Variants in TRPC6 observed in about 807,000 individuals in gnomAD.
TRPC6 encodes short transient receptor potential channel 6.
A neutral mutation model predicts 90.7 loss-of-function variants in TRPC6; 55 were observed. That is an observed-to-expected ratio of 0.61 (90% CI 0.49 to 0.76). The LOEUF (loss-of-function observed/expected upper bound fraction) is 0.76. Ranked by LOEUF, TRPC6 falls within the 30% of genes least tolerant of loss-of-function variation. TRPC6 has a pLI of 0.00. For synonymous variants in TRPC6, 393 were observed against 393.0 expected, an observed-to-expected ratio of 1.00 and a Z score of 0.00; for missense variants, 989 against 1,122.7, an observed-to-expected ratio of 0.88 and a Z score of 1.70.
intron 1 of TRPC6, among the ~76,000 whole-genome samples, chr11:101,521,777 G>C (rs556219820): frequency 2.4e-4 from 36 of 152,342 alleles, no homozygotes; most frequent in African/African-American, 8.2e-4. Flanking sequence ...TGGTCTAAAT[G>C]TAAGACATGG....
chr11:101,504,662 A>G lies in TRPC6; in HGVS notation c.307T>C (p.Leu103=), dbSNP rs1860213746. The change falls in exon 2 of 13, where the codon TTG becomes CTG. Residue 103 remains leucine (L), a synonymous_variant. Transcript: ENST00000344327. ...ATGTTACCATATTCAGCTGCATCCA[A>G]AAAGCGTTCCTCCTCTATAGATAGG... ...TSLSIEEERF[L]DAAEYGNIPV... is the part of the protein sequence containing the mutation. 1 of 1,605,780 alleles carries G rather than the reference A, an allele frequency of 6.2e-7. No homozygotes were observed. The highest frequency in any genetic ancestry group is 8.5e-7 in the Non-Finnish European group (1 of 1,174,756).
intron 1 of TRPC6, among the ~76,000 whole-genome samples, chr11:101,527,264 G>A (rs1198740367): frequency 6.6e-6 from 1 of 152,182 alleles, no homozygotes; most frequent in Non-Finnish European, 1.5e-5. Flanking sequence ...CTGCCTCCAA[G>A]TCTTGATTAA....
At chr11:101,524,966 G>T (rs1168385887) in intron 1 of TRPC6, among the ~76,000 whole-genome samples, 1 of 152,164 alleles carries the variant, frequency 6.6e-6, no homozygotes, top group African/African-American at 2.4e-5. Flanking sequence ...AAATAAAGTA[G>T]CAACAATCAA....
chr11:101,567,352 A>AC (rs1199778429), intron 1 of TRPC6, among the ~76,000 whole-genome samples: 1 of 151,250 alleles, frequency 6.6e-6, no homozygotes, highest in Non-Finnish European at 1.5e-5. Context: ...TCTCTGAAAA[A>AC]AAAAAGCAGC....
intron 5 of TRPC6, among the ~76,000 whole-genome samples, chr11:101,478,214 T>C (rs1591071827): frequency 6.6e-6 from 1 of 152,218 alleles, no homozygotes; most frequent in African/African-American, 2.4e-5. Context: ...AAAGCCAGCA[T>C]TAAGTGCAGC....
At chr11:101,505,072 A>T (rs1200001788) in intron 1 of TRPC6, among the ~76,000 whole-genome samples, 1 of 152,216 alleles carries the variant, frequency 6.6e-6, no homozygotes, top group Non-Finnish European at 1.5e-5. Context: ...TCAGATAGAA[A>T]CTAATGTACT....
chr11:101,569,146 C>CA (rs543090112), intron 1 of TRPC6, among the ~76,000 whole-genome samples: 283 of 143,534 alleles, frequency 2.0e-3, no homozygotes, highest in South Asian at 7.1e-3. Flanking sequence ...CACATAAGCT[C>CA]AAAATAAAGG....
chr11:101,499,916 G>A (rs71462689), intron 2 of TRPC6, among the ~76,000 whole-genome samples: 4 of 36,302 alleles, frequency 1.1e-4, no homozygotes, highest in Admixed American at 2.3e-4. Context: ...TATATACACA[G>A]TATAAAATGT....
intron 1 of TRPC6, among the ~76,000 whole-genome samples, chr11:101,555,114 A>G (rs552037757): frequency 6.6e-6 from 1 of 152,224 alleles, no homozygotes; most frequent in East Asian, 1.9e-4. Flanking sequence ...TGAGAAGGAG[A>G]GTTTCAGGCT....
chr11:101,559,792 A>T (rs764954799), intron 1 of TRPC6, among the ~76,000 whole-genome samples: 2 of 49,854 alleles, frequency 4.0e-5, no homozygotes, highest in African/African-American at 2.0e-4. Flanking sequence ...CCCTCCCCCC[A>T]CCCCACAACA....
At chr11:101,575,708 A>G (rs1357606117) in intron 1 of TRPC6, among the ~76,000 whole-genome samples, 1 of 152,180 alleles carries the variant, frequency 6.6e-6, no homozygotes, top group East Asian at 1.9e-4. Context: ...GTGAGATATA[A>G]AGCTTGACCT....
At chr11:101,516,236 T>TA (rs1225326817) in intron 1 of TRPC6, among the ~76,000 whole-genome samples, 30 of 152,204 alleles carry the variant, frequency 2.0e-4, no homozygotes, top group Non-Finnish European at 3.5e-4. Context: ...AAGTTCATGC[T>TA]AGCAATGCAT....
chr11:101,465,434 T>C (rs965920974), intron 10 of TRPC6, among the ~76,000 whole-genome samples: 26 of 152,202 alleles, frequency 1.7e-4, no homozygotes, highest in African/African-American at 5.8e-4. Context: ...TAATCTAATG[T>C]AGGTTTGGTC....
chr11:101,502,698 C>A (rs190954026), intron 2 of TRPC6, among the ~76,000 whole-genome samples: 64 of 152,252 alleles, frequency 4.2e-4, no homozygotes, highest in Admixed American at 7.9e-4. Context: ...TTAGAAGGAC[C>A]ATTTACTTGT....
chr11:101,568,353 T>C (rs1861881649), intron 1 of TRPC6, among the ~76,000 whole-genome samples: 1 of 152,084 alleles, frequency 6.6e-6, no homozygotes, highest in Non-Finnish European at 1.5e-5. Flanking sequence ...CCAAGAAATA[T>C]GGGACTATGT....
At chr11:101,548,250 C>T (rs190020258) in intron 1 of TRPC6, among the ~76,000 whole-genome samples, 71 of 56,116 alleles carry the variant, frequency 1.3e-3, no homozygotes, top group East Asian at 3.1e-3. Context: ...AGAACTAGAT[C>T]ATATATATAT....
intron 2 of TRPC6, among the ~76,000 whole-genome samples, chr11:101,503,393 C>G (rs1271065811): frequency 6.6e-6 from 1 of 152,192 alleles, no homozygotes; most frequent in Non-Finnish European, 1.5e-5. Flanking sequence ...CCTACTTGTT[C>G]CACCATATAC....
chr11:101,582,583 G>A (rs1862221790), intron 1 of TRPC6, among the ~76,000 whole-genome samples: 3 of 150,818 alleles, frequency 2.0e-5, no homozygotes, highest in Admixed American at 2.0e-4. Flanking sequence ...AAATACCCTA[G>A]ATTCATAAAC....
intron 10 of TRPC6, among the ~76,000 whole-genome samples, chr11:101,456,729 C>T (rs565677751): frequency 6.6e-6 from 1 of 152,228 alleles, no homozygotes; most frequent in Non-Finnish European, 1.5e-5. Flanking sequence ...GAGTGGAGGG[C>T]ACAATCACCC....
Sources: gnomAD v4.1 joint callset for allele counts (sites outside exome capture counted in the v4.1 genomes callset) on GRCh38, gnomAD v4.1.1 for gene constraint, MANE v1.5 for transcripts, NCBI Gene and HGNC (gene_info 2026-07-23, HGNC 2026-07-21) for gene names.